The following HMCN1 variants were observed in gnomAD, a reference collection of about 807,000 sequenced individuals.
The protein encoded by HMCN1 is hemicentin-1.
Under a neutral mutation model 625.9 loss-of-function variants are expected in HMCN1, and 321 were observed. That is an observed-to-expected ratio of 0.51 (90% CI 0.47 to 0.56). The LOEUF (loss-of-function observed/expected upper bound fraction) is 0.56, where lower values mean the gene tolerates loss of function less well. HMCN1 is among the 20% of genes least tolerant of loss of function. HMCN1 has a pLI of 0.00. For missense variants in HMCN1, 6,588 were observed against 6,887.3 expected, an observed-to-expected ratio of 0.96 and a Z score of 1.54; for synonymous variants, 2,425 against 2,417.6, an observed-to-expected ratio of 1.00 and a Z score of -0.09.
chr1:185,914,050 G>A (rs1289819675), intron 6 of HMCN1, among the ~76,000 whole-genome samples: 1 of 152,086 alleles, frequency 6.6e-6, no homozygotes, highest in African/African-American at 2.4e-5. Flanking sequence ...TTCACCAAAA[G>A]AGCCTCCAGC....
chr1:186,060,641 T>C (rs991726948), intron 46 of HMCN1, among the ~76,000 whole-genome samples: 4 of 152,166 alleles, frequency 2.6e-5, no homozygotes, highest in African/African-American at 9.7e-5. Flanking sequence ...AGTGTATCAC[T>C]AGTGCATGAA....
intron 11 of HMCN1, among the ~76,000 whole-genome samples, chr1:185,950,578 T>C (rs1295656285): frequency 1.3e-5 from 2 of 151,672 alleles, no homozygotes; most frequent in African/African-American, 4.9e-5. Flanking sequence ...AGCACGTGTG[T>C]TTTTATGAGA....
chr1:185,875,841 A>G (rs1447915019), intron 4 of HMCN1, among the ~76,000 whole-genome samples: 2 of 151,974 alleles, frequency 1.3e-5, no homozygotes, highest in Admixed American at 6.6e-5. Context: ...CTAGTTATCT[A>G]CTTAAATGCC....
chr1:186,012,696 C>T (rs1449517408), intron 30 of HMCN1, among the ~76,000 whole-genome samples: 2 of 152,084 alleles, frequency 1.3e-5, no homozygotes, highest in African/African-American at 4.8e-5. Flanking sequence ...GGTTGGCTAA[C>T]AAATGAGCCT....
At chr1:185,858,674 C>T (rs1448509538) in intron 2 of HMCN1, among the ~76,000 whole-genome samples, 2 of 124,248 alleles carry the variant, frequency 1.6e-5, no homozygotes. Flanking sequence ...TGGTCTTAAG[C>T]TCCTGGGCAT....
chr1:185,989,519 A>G lies in HMCN1; in HGVS notation c.3080A>G (p.Lys1027Arg), dbSNP rs776481008. The G allele has an allele frequency of 6.8e-6, 11 of 1,614,052 alleles. No homozygotes were observed. The highest frequency in any genetic ancestry group is 9.3e-6 in the Non-Finnish European group (11 of 1,179,982). The change falls in exon 21 of 107, where the codon AAG (lysine) becomes AGG (arginine). Residue 1027 changes from lysine (K) to arginine (R), a missense_variant. Lys to Arg is a conservative substitution (Grantham distance 26). This residue lies in a region of HMCN1 where 4,628 missense variants were observed against 4,853.1 expected (regional missense o/e 0.95). Coordinates refer to ENST00000271588, the MANE Select transcript of HMCN1 (RefSeq NM_031935.3). Reference sequence around the variant, plus strand: ...GAGCTGATTTCAACCAGCAGTGCTAAGTTTTCAGCAGGAGCTGATGGTAGT... The same window carrying G: ...GAGCTGATTTCAACCAGCAGTGCTAGGTTTTCAGCAGGAGCTGATGGTAGT... ...KGELISTSSA[K>R]FSAGADGSLY...
At chr1:185,942,170 C>A (rs1356802369) in intron 11 of HMCN1, among the ~76,000 whole-genome samples, 2 of 134,496 alleles carry the variant, frequency 1.5e-5, no homozygotes, top group South Asian at 2.3e-4. Flanking sequence ...CAGCCTGGGC[C>A]ACAGAGTGAG....
At chr1:186,091,032 C>T (rs1659813464) in intron 64 of HMCN1, 115 bp downstream of exon 64, 3 of 1,198,476 alleles carry the variant, frequency 2.5e-6, no homozygotes, top group Middle Eastern at 2.1e-4. Flanking sequence ...ACTTAGCTAT[C>T]ATTATATTCA....
At position 185,830,718 on chromosome 1, in the gene HMCN1, C is replaced by G. The variant is rs948229564; in HGVS notation, c.269-15308C>G. ...ACTGGGTCACATGGCAAGACCCTGT[C>G]TCTACAAAAAAATACAAAAATTAGC... is the stretch of plus-strand genomic sequence containing the variant. On this transcript the variant is annotated intron_variant, in intron 1 of 106. Transcript: ENST00000271588. Among the ~76,000 whole-genome samples, 5 of 152,024 alleles carry G rather than the reference C, an allele frequency of 3.3e-5. No homozygotes were observed. The East Asian group carries it at 7.8e-4, about 24-fold the overall frequency.
At chr1:186,102,834 A>G (rs1397219414) in intron 68 of HMCN1, among the ~76,000 whole-genome samples, 2 of 152,172 alleles carry the variant, frequency 1.3e-5, no homozygotes, top group African/African-American at 4.8e-5. Context: ...GGGAGTAGTT[A>G]GACTAAAGAA....
chr1:185,939,130 G>A (rs372949016), intron 11 of HMCN1, among the ~76,000 whole-genome samples: 1 of 152,134 alleles, frequency 6.6e-6, no homozygotes, highest in Non-Finnish European at 1.5e-5. Context: ...ATGGTATGAA[G>A]AACTGGTGAA....
chr1:185,860,886 T>G (rs567586785), intron 2 of HMCN1, among the ~76,000 whole-genome samples: 13 of 152,292 alleles, frequency 8.5e-5, no homozygotes, highest in African/African-American at 3.1e-4. Flanking sequence ...ATAAGGTGGT[T>G]CTAATACTTA....
At chr1:185,877,678 C>T (rs1431562924) in intron 4 of HMCN1, among the ~76,000 whole-genome samples, 7 of 151,848 alleles carry the variant, frequency 4.6e-5, no homozygotes, top group Non-Finnish European at 1.0e-4. Flanking sequence ...AAATATTTCA[C>T]CTCCTTGGTT....
chr1:186,000,542 GGT>G (rs1170943049), intron 26 of HMCN1, among the ~76,000 whole-genome samples: 5 of 127,096 alleles, frequency 3.9e-5, no homozygotes, highest in South Asian at 2.6e-4. Flanking sequence ...CAGCGTGTAG[GGT>G]GTGTGTGTGT....
At chr1:185,743,856 A>C (rs916789927) in intron 1 of HMCN1, among the ~76,000 whole-genome samples, 1 of 152,114 alleles carries the variant, frequency 6.6e-6, no homozygotes, top group Non-Finnish European at 1.5e-5. Flanking sequence ...GCTGTAACTT[A>C]TTTGTCTATA....
rs1163936365 is a variant in HMCN1, at chr1:185,845,893, GTGTT to G, written c.269-130_269-127del. Reference sequence around the variant, plus strand: ...TCTGGTAGCTACAAATTGAGAAAGAGTGTTTGGTATTTTACTATTTCTTATTAAT... The same window carrying G: ...TCTGGTAGCTACAAATTGAGAAAGAGTGGTATTTTACTATTTCTTATTAAT... On this transcript the variant is annotated intron_variant, in intron 1 of 106. Coordinates refer to ENST00000271588, the MANE Select transcript of HMCN1 (RefSeq NM_031935.3). The G allele has an allele frequency of 1.5e-5, 10 of 671,570 alleles. No individual in the cohort carries two copies. The African/African-American group carries it at 1.8e-4, about 12-fold the overall frequency. 41.6% of individuals were successfully genotyped at this position (671,570 alleles called of 1,614,324 possible).
At chr1:185,744,160 T>G (rs1468602800) in intron 1 of HMCN1, among the ~76,000 whole-genome samples, 1 of 151,652 alleles carries the variant, frequency 6.6e-6, no homozygotes, top group East Asian at 1.9e-4. Flanking sequence ...AGCTAATTTT[T>G]TTTTTTTTAA....
intron 36 of HMCN1, among the ~76,000 whole-genome samples, chr1:186,032,601 C>T (rs1044247177): frequency 7.2e-5 from 11 of 152,090 alleles, no homozygotes; most frequent in African/African-American, 2.7e-4. Context: ...GCTTCCCCTT[C>T]GGCCATGATT....
At chr1:185,917,616 A>T (rs756082479) in intron 6 of HMCN1, among the ~76,000 whole-genome samples, 2 of 152,194 alleles carry the variant, frequency 1.3e-5, no homozygotes, top group Non-Finnish European at 2.9e-5. Flanking sequence ...AGGCATGTGG[A>T]TGGCTTTCAT....
Sources: allele counts gnomAD v4.1 joint callset (sites outside exome capture counted in the v4.1 genomes callset), GRCh38; gene constraint gnomAD v4.1.1; regional missense constraint gnomAD v4.1.1; transcripts MANE v1.5; gene names NCBI Gene and HGNC (gene_info 2026-07-23, HGNC 2026-07-21).